The following ANGPT1 variants were observed in gnomAD, a reference collection of about 807,000 sequenced individuals.
ANGPT1 encodes the protein angiopoietin-1.
ANGPT1 carries 17 observed loss-of-function variants against 62.2 expected under a neutral mutation model. The observed-to-expected ratio is 0.27, with a 90% CI of 0.19 to 0.41. The LOEUF (loss-of-function observed/expected upper bound fraction) is 0.41, where lower values mean the gene tolerates loss of function less well. ANGPT1 is among the 10% of genes least tolerant of loss of function. The pLI is 1.00. For synonymous variants in ANGPT1, 199 were observed against 198.9 expected (o/e 1.00, Z 0.00); for missense variants, 478 against 594.9 (o/e 0.80, Z 2.04).
intron 1 of ANGPT1, among the ~76,000 whole-genome samples, chr8:107,358,787 A>G (rs1336655531): frequency 6.6e-6 from 1 of 152,202 alleles, no homozygotes; most frequent in Non-Finnish European, 1.5e-5. Context: ...TGGAAAGTCT[A>G]AATCCTGGGT....
At chr8:107,372,100 T>A (rs1282426875) in intron 1 of ANGPT1, among the ~76,000 whole-genome samples, 6 of 152,156 alleles carry the variant, frequency 3.9e-5, no homozygotes, top group African/African-American at 1.4e-4. Context: ...TAAATAGAAA[T>A]TTTCAACTTC....
chr8:107,401,834 TA>T (rs898262339), intron 1 of ANGPT1, among the ~76,000 whole-genome samples: 2 of 152,158 alleles, frequency 1.3e-5, no homozygotes, highest in Admixed American at 6.5e-5. Flanking sequence ...TCTATTTCTC[TA>T]AAAAAATCAG....
intron 1 of ANGPT1, among the ~76,000 whole-genome samples, chr8:107,374,684 G>A (rs1341218852): frequency 2.0e-5 from 3 of 152,132 alleles, no homozygotes; most frequent in African/African-American, 7.2e-5. Flanking sequence ...GTCTCTCTTA[G>A]AACAATCTAT....
At chr8:107,407,774 A>G (rs977458121) in intron 1 of ANGPT1, among the ~76,000 whole-genome samples, 7 of 152,036 alleles carry the variant, frequency 4.6e-5, no homozygotes, top group African/African-American at 1.4e-4. Context: ...TGGCACTTCT[A>G]CGAGAGGCGG....
intron 1 of ANGPT1, among the ~76,000 whole-genome samples, chr8:107,484,947 A>G (rs1812778219): frequency 6.6e-6 from 1 of 152,212 alleles, no homozygotes; most frequent in Non-Finnish European, 1.5e-5. Context: ...GAGAGATGAT[A>G]AATATCACAC....
At chr8:107,436,108 G>A (rs886882543) in intron 1 of ANGPT1, among the ~76,000 whole-genome samples, 1 of 152,140 alleles carries the variant, frequency 6.6e-6, no homozygotes, top group Non-Finnish European at 1.5e-5. Flanking sequence ...GTCTCTCTAT[G>A]TTGCCCAGGC....
At chr8:107,307,222 G>T (rs934177797) in intron 4 of ANGPT1, among the ~76,000 whole-genome samples, 2 of 151,436 alleles carry the variant, frequency 1.3e-5, no homozygotes, top group South Asian at 2.1e-4. Flanking sequence ...TCTTAGCCTC[G>T]ATCCCAGAGT....
chr8:107,402,767 T>C (rs1211196782), intron 1 of ANGPT1, among the ~76,000 whole-genome samples: 3 of 152,128 alleles, frequency 2.0e-5, no homozygotes, highest in Admixed American at 2.0e-4. Context: ...TAAAGAAATA[T>C]AAGAATAAAA....
At chr8:107,421,026 A>T (rs951780787) in intron 1 of ANGPT1, among the ~76,000 whole-genome samples, 1 of 152,174 alleles carries the variant, frequency 6.6e-6, no homozygotes, top group Non-Finnish European at 1.5e-5. Flanking sequence ...TTCTACCAGA[A>T]TAATTCTTCT....
At chr8:107,267,626 A>G (rs935999351) in intron 7 of ANGPT1, among the ~76,000 whole-genome samples, 1 of 152,098 alleles carries the variant, frequency 6.6e-6, no homozygotes, top group Non-Finnish European at 1.5e-5. Flanking sequence ...CATGAAGTCC[A>G]TGCAGCTCAT....
chr8:107,416,008 A>G (rs1810731240), intron 1 of ANGPT1, among the ~76,000 whole-genome samples: 1 of 152,182 alleles, frequency 6.6e-6, no homozygotes, highest in Non-Finnish European at 1.5e-5. Context: ...GAAGGGAAAA[A>G]AAAACCCCAC....
intron 1 of ANGPT1, among the ~76,000 whole-genome samples, chr8:107,404,306 A>G (rs549451401): frequency 6.6e-6 from 1 of 152,240 alleles, no homozygotes; most frequent in East Asian, 1.9e-4. Flanking sequence ...AAAAATTTCA[A>G]ACACCATAGA....
At chr8:107,497,189 G>C in intron 1 of ANGPT1, 73 bp downstream of exon 1, 1 of 1,504,722 alleles carries the variant, frequency 6.6e-7, no homozygotes. Flanking sequence ...GCTCCCCTAA[G>C]GAACTTTAAG....
chr8:107,438,816 A>T (rs1811399418), intron 1 of ANGPT1, among the ~76,000 whole-genome samples: 1 of 152,154 alleles, frequency 6.6e-6, no homozygotes, highest in Non-Finnish European at 1.5e-5. Flanking sequence ...TATTTTTACC[A>T]GGGTTTAGAG....
rs1023753175 is a variant in ANGPT1 at position 107,249,666 on chromosome 8, TAAC to T, written c.*2186_*2188del. The T allele has an allele frequency of 6.6e-6, 1 of 152,124 alleles. No individual in the cohort carries two copies. Among genetic ancestry groups the T allele is most frequent in the Admixed American group, 6.6e-5 (1 of 15,256 alleles). 9.4% of individuals were successfully genotyped at this position (152,124 alleles called of 1,614,324 possible). ...ACATGTACGTATTACATAATACACA[TAAC>T]AATCATAAAACATTTTATACTGATT... On this transcript the variant is annotated 3_prime_UTR_variant, in exon 9 of 9. Coordinates refer to ENST00000517746, the MANE Select transcript of ANGPT1 (RefSeq NM_001146.5).
intron 1 of ANGPT1, among the ~76,000 whole-genome samples, chr8:107,434,370 TTGAAATCATGGAA>T (rs1811280332): frequency 6.6e-6 from 1 of 152,118 alleles, no homozygotes; most frequent in Admixed American, 6.5e-5. Context: ...CGTGGACAAC[TTGAAATCATGGAA>T]GGTTTTTAAG....
chr8:107,312,718 T>C (rs1217441747), intron 4 of ANGPT1, among the ~76,000 whole-genome samples: 1 of 152,158 alleles, frequency 6.6e-6, no homozygotes, highest in Non-Finnish European at 1.5e-5. Context: ...GTTGGAATGC[T>C]TGATATGAGT....
intron 7 of ANGPT1, among the ~76,000 whole-genome samples, chr8:107,265,238 C>T (rs988607253): frequency 6.6e-6 from 1 of 152,044 alleles, no homozygotes; most frequent in African/African-American, 2.4e-5. Flanking sequence ...TTTACTAACC[C>T]CAGGAATGTT....
intron 1 of ANGPT1, among the ~76,000 whole-genome samples, chr8:107,420,809 T>C (rs1158409156): frequency 6.6e-6 from 1 of 152,134 alleles, no homozygotes; most frequent in Non-Finnish European, 1.5e-5. Context: ...GTTTGTATCA[T>C]CCTGTTTTTT....
Sources: allele counts gnomAD v4.1 joint callset (sites outside exome capture counted in the v4.1 genomes callset), GRCh38; gene constraint gnomAD v4.1.1; transcripts MANE v1.5; gene names NCBI Gene and HGNC (gene_info 2026-07-23, HGNC 2026-07-21).